The following TASP1 variants were observed in gnomAD, a reference collection of about 807,000 sequenced individuals.
The protein encoded by TASP1 is taspase 1.
In TASP1, 16 loss-of-function variants were observed where a neutral mutation model predicts 56.6. The observed-to-expected ratio is 0.28, with a 90% confidence interval of 0.19 to 0.43. The LOEUF is 0.43. TASP1 is among the 20% of genes least tolerant of loss of function. TASP1 has a pLI of 1.00. For missense variants in TASP1, 393 were observed against 511.6 expected, an observed-to-expected ratio of 0.77 and a Z score of 2.24; for synonymous variants, 179 against 184.2, an observed-to-expected ratio of 0.97 and a Z score of 0.23.
the TASP1 span, among the ~76,000 whole-genome samples, chr20:13,105,236 A>G: frequency 6.6e-6 from 1 of 151,576 alleles, no homozygotes; most frequent in African/African-American, 2.4e-5. Flanking sequence ...CTGTGATTCT[A>G]AGAGGTCGGA....
chr20:13,609,055 G>T (rs1341740890), intron 4 of TASP1, among the ~76,000 whole-genome samples: 2 of 152,096 alleles, frequency 1.3e-5, no homozygotes, highest in Non-Finnish European at 2.9e-5. Context: ...CGATAGTCTA[G>T]TATCTAGACT....
the TASP1 span, among the ~76,000 whole-genome samples, chr20:13,106,105 G>A: frequency 6.6e-6 from 1 of 152,184 alleles, no homozygotes; most frequent in African/African-American, 2.4e-5. Context: ...CTATCTGCTC[G>A]TTTTAAAACA....
intron 1 of TASP1, among the ~76,000 whole-genome samples, chr20:13,633,379 C>A (rs572036320): frequency 6.6e-6 from 1 of 152,218 alleles, no homozygotes; most frequent in African/African-American, 2.4e-5. Context: ...TCACTGTTCA[C>A]CCCCTTGAAA....
chr20:13,332,436 TTA>T, the TASP1 span, among the ~76,000 whole-genome samples: 2 of 152,222 alleles, frequency 1.3e-5, no homozygotes, highest in African/African-American at 4.8e-5. Flanking sequence ...AGCATGAATT[TTA>T]TCATTCATCT....
the TASP1 span, among the ~76,000 whole-genome samples, chr20:13,234,169 G>T: frequency 2.0e-5 from 3 of 152,052 alleles, no homozygotes; most frequent in Non-Finnish European, 4.4e-5. Flanking sequence ...TTGTATGTCC[G>T]TGTATGCCCA....
At chr20:13,318,867 T>A in the TASP1 span, among the ~76,000 whole-genome samples, 3 of 152,190 alleles carry the variant, frequency 2.0e-5, no homozygotes, top group Non-Finnish European at 2.9e-5. Context: ...TGCCAGGGGT[T>A]GAGAAGAGGA....
chr20:13,290,115 TG>T, the TASP1 span, among the ~76,000 whole-genome samples: 2 of 152,178 alleles, frequency 1.3e-5, no homozygotes, highest in African/African-American at 4.8e-5. Flanking sequence ...TCTGGCTCCA[TG>T]TCAGCCATGC....
rs141587069 is a variant in TASP1, at chr20:13,468,105, T to G, written c.985+15122A>C. Reference sequence around the variant, plus strand: ...TTTACAGCAAACACACTGAAAATTTTCCTAACAAATACAATTACAGAATTC... The same window carrying G: ...TTTACAGCAAACACACTGAAAATTTGCCTAACAAATACAATTACAGAATTC... On this transcript the variant is annotated intron_variant, in intron 11 of 13. Transcript: ENST00000337743. Among the ~76,000 whole-genome samples the G allele has an allele frequency of 2.7e-3, 410 of 152,214 alleles. 1 individual carries two copies. The highest frequency in any genetic ancestry group is 4.3e-3 in the Non-Finnish European group (291 of 68,000).
chr20:13,346,781 C>T, the TASP1 span, among the ~76,000 whole-genome samples: 5 of 152,224 alleles, frequency 3.3e-5, no homozygotes, highest in African/African-American at 1.2e-4. Flanking sequence ...GTTTATGACA[C>T]AGTTACCTTA....
chr20:13,123,820 G>A, the TASP1 span, among the ~76,000 whole-genome samples: 4 of 152,244 alleles, frequency 2.6e-5, no homozygotes, highest in East Asian at 1.9e-4. Flanking sequence ...ACAGGTCCAC[G>A]TAAGCCTCCA....
the TASP1 span, among the ~76,000 whole-genome samples, chr20:13,383,398 C>A: frequency 6.6e-6 from 1 of 152,202 alleles, no homozygotes; most frequent in Non-Finnish European, 1.5e-5. Flanking sequence ...GTTGTAGAAT[C>A]ACAGAAGGAA....
chr20:13,202,998 C>T, the TASP1 span, among the ~76,000 whole-genome samples: 5 of 152,170 alleles, frequency 3.3e-5, no homozygotes, highest in Non-Finnish European at 5.9e-5. Context: ...TAATTTAACA[C>T]AATGAATGTT....
the TASP1 span, among the ~76,000 whole-genome samples, chr20:13,220,719 G>A: frequency 6.6e-6 from 1 of 152,240 alleles, no homozygotes; most frequent in African/African-American, 2.4e-5. Context: ...CCCAGCAAGT[G>A]TCAAGACCCT....
At chr20:13,533,512 T>A (rs2070304) in intron 9 of TASP1, among the ~76,000 whole-genome samples, 40,344 of 152,050 alleles carry the variant, frequency 0.27, 6,211 homozygotes, top group Non-Finnish European at 0.35. Flanking sequence ...TGTTAAGTGG[T>A]ATCATGTGTT....
chr20:13,571,062 A>C (rs1159805611), intron 6 of TASP1, among the ~76,000 whole-genome samples: 1 of 152,132 alleles, frequency 6.6e-6, no homozygotes, highest in East Asian at 1.9e-4. Context: ...ATTTTACAAA[A>C]TATTCTTAGC....
Position 13,433,841 on chromosome 20 carries a change from T to TAAAAAAAAAA in TASP1, c.1096+1193_1096+1202dup, listed in dbSNP as rs111973613. On this transcript the variant is annotated intron_variant, in intron 12 of 13. Coordinates refer to ENST00000337743, the MANE Select transcript of TASP1 (RefSeq NM_017714.3). Reference sequence around the variant, plus strand: ...CGTGGATGACCTATAGTGTTTGTATTAAAAAAAAAAAAAAAAAAACAGAAG... The same window carrying TAAAAAAAAAA: ...CGTGGATGACCTATAGTGTTTGTATTAAAAAAAAAAAAAAAAAAAAAAAAAAAAACAGAAG... 7.6e-3 allele frequency among the ~76,000 whole-genome samples: 883 copies of TAAAAAAAAAA among 115,964 alleles called. 6 individuals carry two copies. Among genetic ancestry groups the TAAAAAAAAAA allele is most frequent in the Middle Eastern group, 0.013 (3 of 226 alleles). The allele number at this position is 115,964 out of a possible 152,430, so 76.1% of individuals were successfully genotyped here. A position where few individuals can be genotyped will look rare whatever the true frequency, so the allele number is the denominator to read the frequency against.
intron 11 of TASP1, among the ~76,000 whole-genome samples, chr20:13,473,340 G>T (rs529473803): frequency 6.6e-6 from 1 of 151,932 alleles, no homozygotes; most frequent in Admixed American, 6.6e-5. Flanking sequence ...CCTGTTGTGG[G>T]GTGGGGGGAT....
chr20:13,266,671 C>A, the TASP1 span, among the ~76,000 whole-genome samples: 1 of 152,172 alleles, frequency 6.6e-6, no homozygotes, highest in Non-Finnish European at 1.5e-5. Flanking sequence ...TTAACTGGGG[C>A]AGAATGAATT....
intron 10 of TASP1, among the ~76,000 whole-genome samples, chr20:13,517,294 T>C (rs1202594525): frequency 2.6e-5 from 4 of 152,256 alleles, no homozygotes; most frequent in East Asian, 1.9e-4. Flanking sequence ...TAAGAGCCTC[T>C]AAAACAGCTG....
Sources: gnomAD v4.1 joint callset for allele counts (sites outside exome capture counted in the v4.1 genomes callset) on GRCh38, gnomAD v4.1.1 for gene constraint, MANE v1.5 for transcripts, NCBI Gene and HGNC (gene_info 2026-07-23, HGNC 2026-07-21) for gene names.